MPDZ: variants seen among roughly 807,000 people sequenced by gnomAD.
MPDZ encodes the protein multiple PDZ domain crumbs cell polarity complex component.
Under a neutral mutation model 239.1 loss-of-function variants are expected in MPDZ, and 234 were observed. The observed-to-expected ratio is 0.98, with a 90% CI of 0.88 to 1.09. The LOEUF (loss-of-function observed/expected upper bound fraction) is 1.09. Among genes scored for constraint, MPDZ ranks in the 50% least tolerant of loss-of-function variants. The pLI is 0.00. For missense variants in MPDZ, 3,175 were observed against 2,510.0 expected (o/e 1.26, Z -5.66); for synonymous variants, 1,048 against 881.3 (o/e 1.19, Z -3.35).
chr9:13,259,903 G>A (rs985505644), intron 1 of MPDZ, among the ~76,000 whole-genome samples: 19 of 151,942 alleles, frequency 1.3e-4, no homozygotes, highest in African/African-American at 2.2e-4. Flanking sequence ...GCACAATCTC[G>A]GCTCACTGCA....
intron 32 of MPDZ, among the ~76,000 whole-genome samples, chr9:13,132,565 G>C (rs775348267): frequency 6.6e-6 from 1 of 152,102 alleles, no homozygotes; most frequent in Non-Finnish European, 1.5e-5. Context: ...ATCAGTGACA[G>C]GTAGCCATCA....
chr9:13,115,122 G>T, intron 40 of MPDZ, 126 bp downstream of exon 40: 1 of 706,102 alleles, frequency 1.4e-6, no homozygotes, highest in Non-Finnish European at 2.4e-6. Flanking sequence ...CTCAAACTCT[G>T]CACCTCAGTC....
At chr9:13,188,508 G>T (rs1007595947) in intron 17 of MPDZ, among the ~76,000 whole-genome samples, 44 of 151,822 alleles carry the variant, frequency 2.9e-4, no homozygotes, top group African/African-American at 1.1e-3. Flanking sequence ...ACAGAGCAAG[G>T]CTCCATCAAT....
chr9:13,247,374 T>G (rs946433273), intron 3 of MPDZ, among the ~76,000 whole-genome samples: 2 of 152,154 alleles, frequency 1.3e-5, no homozygotes, highest in African/African-American at 4.8e-5. Context: ...TATCATCCGT[T>G]TTTCCTGTAG....
rs1335731500 is a variant in MPDZ, at chr9:13,175,748, T to C, written c.3055+4A>G. The C allele has an allele frequency of 7.7e-6, 12 of 1,567,550 alleles. No individual in the cohort carries two copies. Among genetic ancestry groups the C allele is most frequent in the Non-Finnish European group, 1.0e-5 (12 of 1,154,114 alleles). On this transcript the variant is annotated splice_donor_region_variant and intron_variant, in intron 21 of 46. Transcript: ENST00000319217. ...TAGGTATATGAGGAAAATGAGAAAC[T>C]TACCTAGGCTAGAATTGCCTTTTGC...
chr9:13,108,384 G>A (rs1219579625), intron 46 of MPDZ, among the ~76,000 whole-genome samples: 1 of 151,958 alleles, frequency 6.6e-6, no homozygotes, highest in South Asian at 2.1e-4. Context: ...CTTTTTAATT[G>A]AATCCCTTGA....
At chr9:13,212,339 A>G (rs540510078) in intron 10 of MPDZ, among the ~76,000 whole-genome samples, 1 of 152,150 alleles carries the variant, frequency 6.6e-6, no homozygotes, top group South Asian at 2.1e-4. Context: ...AGTTACCTTC[A>G]TCTGTATTAT....
Position 13,279,264 on chromosome 9 carries a change from CCCCCACCCCCAT to C in MPDZ, c.-58+124_-58+135del, listed in dbSNP as rs1456853481. 1.4e-3 allele frequency: 185 copies of C among 127,966 alleles called. 7 individuals carry two copies. The highest frequency in any genetic ancestry group is 3.4e-3 in the African/African-American group (121 of 35,790). 7.9% of individuals were successfully genotyped at this position (127,966 alleles called of 1,614,324 possible). On this transcript the variant is annotated intron_variant, in intron 1 of 46. Coordinates refer to ENST00000319217, the MANE Select transcript of MPDZ (RefSeq NM_001378778.1). ...GCCGCCACCCCTACCCCCACCCCCA[CCCCCACCCCCAT>C]CCCCGCCCCCACCCCCACCCCCAAG...
chr9:13,250,876 C>T (rs1191780046), intron 1 of MPDZ, among the ~76,000 whole-genome samples: 1 of 152,024 alleles, frequency 6.6e-6, no homozygotes, highest in East Asian at 1.9e-4. Flanking sequence ...CATCTTTAAT[C>T]CCAGCACTTC....
In MPDZ at chr9:13,143,464, A is replaced by G; in HGVS notation, c.3840+2T>C. ...ACAGCAAGACAATGGGCATTATCCA[A>G]CCTTGTCGGCGTTGATTTGTAGAGA... On this transcript the variant is annotated splice_donor_variant, in intron 27 of 46. Transcript: ENST00000319217. LOFTEE classifies it high-confidence loss of function. 1 of 1,609,324 alleles carries G rather than the reference A, an allele frequency of 6.2e-7. No homozygotes were observed. The highest frequency in any genetic ancestry group is 8.5e-7 in the Non-Finnish European group (1 of 1,175,906).
intron 31 of MPDZ, chr9:13,134,667 C>T (rs1047795755): frequency 6.6e-6 from 1 of 152,132 alleles, no homozygotes; most frequent in Non-Finnish European, 1.5e-5. Context: ...CAAAACAAAA[C>T]CACTCTCCCA....
chr9:13,278,033 T>C (rs1974630636), intron 1 of MPDZ, among the ~76,000 whole-genome samples: 1 of 152,160 alleles, frequency 6.6e-6, no homozygotes, highest in Non-Finnish European at 1.5e-5. Context: ...CACCTCCTCC[T>C]CGTTAGTTTT....
At chr9:13,220,587 A>C (rs1958986032) in intron 7 of MPDZ, among the ~76,000 whole-genome samples, 1 of 151,972 alleles carries the variant, frequency 6.6e-6, no homozygotes, top group Non-Finnish European at 1.5e-5. Flanking sequence ...ATGCTAACTA[A>C]TGTTTAAAAG....
intron 10 of MPDZ, among the ~76,000 whole-genome samples, chr9:13,212,626 G>A (rs964019947): frequency 2.6e-5 from 4 of 151,462 alleles, no homozygotes; most frequent in African/African-American, 9.7e-5. Flanking sequence ...GAAGAGTGCA[G>A]TAGAACTAGG....
Position 13,121,821 on chromosome 9 carries a change from CTT to C in MPDZ, c.5147_5148del (p.Lys1716ArgfsTer6), listed in dbSNP as rs749454910. The C allele has an allele frequency of 1.5e-5, 24 of 1,613,840 alleles. No individual in the cohort carries two copies. Among genetic ancestry groups the C allele is most frequent in the Non-Finnish European group, 1.9e-5 (22 of 1,179,894 alleles). On this transcript the variant is annotated frameshift_variant, in exon 38 of 47. Coordinates refer to ENST00000319217, the MANE Select transcript of MPDZ (RefSeq NM_001378778.1). LOFTEE classifies it high-confidence loss of function. ...GTGAGGGTGTCACACACTTCCTCCTCTTTGTATGGGGCCTCATCTCTGTAGAG... is the reference window on the plus strand; with the variant it reads ...GTGAGGGTGTCACACACTTCCTCCTCTGTATGGGGCCTCATCTCTGTAGAG... ...LTLYRDEAPY[K>X]EEEVCDTLTI...
At chr9:13,194,326 A>G (rs1955349819) in intron 13 of MPDZ, among the ~76,000 whole-genome samples, 1 of 152,038 alleles carries the variant, frequency 6.6e-6, no homozygotes, top group Non-Finnish European at 1.5e-5. Flanking sequence ...CAGTCTTTGG[A>G]TAAAGAAAAT....
chr9:13,147,561 A>AT lies in MPDZ; in HGVS notation c.3727dup (p.Ile1243AsnfsTer19). The AT allele has an allele frequency of 1.9e-6, 3 of 1,611,838 alleles. No homozygotes were observed. Among genetic ancestry groups the AT allele is most frequent in the Non-Finnish European group, 2.5e-6 (3 of 1,178,388 alleles). On this transcript the variant is annotated frameshift_variant, in exon 26 of 47. Transcript: ENST00000319217. LOFTEE classifies it high-confidence loss of function. Reference sequence around the variant, plus strand: ...GTGTTCGCTTACCCTTGGTCTGTTTATAATGCTCTGTACCATAAAGACTAC... The same window carrying AT: ...GTGTTCGCTTACCCTTGGTCTGTTTATTAATGCTCTGTACCATAAAGACTAC...
chr9:13,143,350 T>G, intron 27 of MPDZ, 116 bp downstream of exon 27: 1 of 788,652 alleles, frequency 1.3e-6, no homozygotes, highest in South Asian at 1.9e-5. Context: ...GTTTTTTTGT[T>G]TTTTTTTCCC....
chr9:13,122,523 C>CTTTTT (rs1193402258), intron 36 of MPDZ, among the ~76,000 whole-genome samples: 1 of 141,148 alleles, frequency 7.1e-6, no homozygotes, highest in Admixed American at 7.1e-5. Flanking sequence ...TTTTCAAACT[C>CTTTTT]TTTTTTTTTT....
Sources: allele counts gnomAD v4.1 joint callset (sites outside exome capture counted in the v4.1 genomes callset), GRCh38; gene constraint gnomAD v4.1.1; transcripts MANE v1.5; gene names NCBI Gene and HGNC (gene_info 2026-07-23, HGNC 2026-07-21).